ASAP2: variants seen among roughly 807,000 people sequenced by gnomAD.
ASAP2 encodes the protein ArfGAP with SH3 domain, ankyrin repeat and PH domain 2.
A neutral mutation model predicts 131.4 loss-of-function variants in ASAP2; 45 were observed. That is an observed-to-expected ratio of 0.34 (90% CI 0.27 to 0.44). The LOEUF is 0.44. ASAP2 is among the 20% of genes least tolerant of loss of function. The pLI, the probability that ASAP2 is intolerant of heterozygous loss-of-function variation, is 1.00. For missense variants in ASAP2, 1,011 were observed against 1,297.0 expected, an observed-to-expected ratio of 0.78 and a Z score of 3.39; for synonymous variants, 510 against 503.0, an observed-to-expected ratio of 1.01 and a Z score of -0.19.
At chr2:9,305,307 G>T (rs1668810188) in intron 3 of ASAP2, among the ~76,000 whole-genome samples, 1 of 146,834 alleles carries the variant, frequency 6.8e-6, no homozygotes, top group Non-Finnish European at 1.5e-5. Flanking sequence ...CTGTAGTAGT[G>T]GGGTATAGAT....
chr2:9,388,798 G>A (rs564887710), intron 22 of ASAP2, among the ~76,000 whole-genome samples: 1 of 152,288 alleles, frequency 6.6e-6, no homozygotes, highest in East Asian at 1.9e-4. Context: ...ACTCCCCCAG[G>A]GCAGCCTGAG....
At position 9,232,278 on chromosome 2, in the gene ASAP2, C is replaced by G. The variant is rs1663222491; in HGVS notation, c.126+25048C>G. 1.3e-5 allele frequency among the ~76,000 whole-genome samples: 2 copies of G among 152,298 alleles called. No individual in the cohort carries two copies. The highest frequency in any genetic ancestry group is 4.1e-4 in the South Asian group (2 of 4,826). On this transcript the variant is annotated intron_variant, in intron 1 of 27. Coordinates refer to ENST00000281419, the MANE Select transcript of ASAP2 (RefSeq NM_003887.3). The surrounding 1 kb of genome is among the most constrained non-coding windows in gnomAD (Gnocchi z 4.1). ...CTGCCCTGCGCCCGATCCTTTTACA[C>G]AGGTGGTCCCTCTGTTTGTAGAGTC...
chr2:9,249,668 C>T (rs1383271461), intron 1 of ASAP2, among the ~76,000 whole-genome samples: 5 of 152,136 alleles, frequency 3.3e-5, no homozygotes, highest in Admixed American at 2.0e-4. Flanking sequence ...AAGTTCACAG[C>T]CTGAGTGAGA....
intron 2 of ASAP2, among the ~76,000 whole-genome samples, chr2:9,286,447 A>AAAATATATATATATATAT (rs58605449): frequency 2.6e-4 from 38 of 148,484 alleles, no homozygotes; most frequent in Middle Eastern, 3.5e-3. Context: ...GAAAAAAAAA[A>AAAATATATATATATATAT]ATATATATAT....
At chr2:9,304,686 T>C (rs1290210794) in intron 3 of ASAP2, among the ~76,000 whole-genome samples, 7 of 122,060 alleles carry the variant, frequency 5.7e-5, no homozygotes, top group African/African-American at 9.7e-5. Context: ...GTGGAGGGGG[T>C]GTAATAGTGG....
At chr2:9,246,080 T>G (rs537149922) in intron 1 of ASAP2, among the ~76,000 whole-genome samples, 18 of 152,346 alleles carry the variant, frequency 1.2e-4, no homozygotes, top group African/African-American at 4.3e-4. Context: ...GCAGGAGCCC[T>G]GGTTTGGGAG....
intron 1 of ASAP2, among the ~76,000 whole-genome samples, chr2:9,221,323 C>CT (rs35784307): frequency 0.028 from 3,760 of 131,944 alleles, 64 homozygotes; most frequent in Middle Eastern, 0.057. Context: ...CTTTTCTTTT[C>CT]TTTTTTTTTT....
At chr2:9,314,624 C>T (rs1669521783) in intron 3 of ASAP2, among the ~76,000 whole-genome samples, 1 of 152,086 alleles carries the variant, frequency 6.6e-6, no homozygotes, top group Admixed American at 6.5e-5. Flanking sequence ...GAAGAGCCTG[C>T]CAAGTGCCTT....
At chr2:9,380,418 G>A (rs530892338) in intron 19 of ASAP2, among the ~76,000 whole-genome samples, 6 of 152,124 alleles carry the variant, frequency 3.9e-5, no homozygotes, top group Non-Finnish European at 5.9e-5. Context: ...GGCTGGTCTC[G>A]AACTCCTGAC....
At chr2:9,266,726 G>C (rs1374679883) in intron 1 of ASAP2, among the ~76,000 whole-genome samples, 1 of 152,196 alleles carries the variant, frequency 6.6e-6, no homozygotes, top group East Asian at 1.9e-4. Context: ...CGTCAAAGTT[G>C]CTACTTTAGG....
At chr2:9,305,552 T>TA (rs1558314005) in intron 3 of ASAP2, among the ~76,000 whole-genome samples, 11 of 131,368 alleles carry the variant, frequency 8.4e-5, no homozygotes, top group East Asian at 4.5e-4. Flanking sequence ...GGGGTACAGA[T>TA]ATTGGTGGAG....
At chr2:9,243,344 G>T (rs1362740601) in intron 1 of ASAP2, among the ~76,000 whole-genome samples, 1 of 152,140 alleles carries the variant, frequency 6.6e-6, no homozygotes. Flanking sequence ...TCCTGACCTC[G>T]TGATCCACCC....
Position 9,238,606 on chromosome 2 carries a change from T to C in ASAP2, c.126+31376T>C, listed in dbSNP as rs538855005. Among the ~76,000 whole-genome samples, 19 of 152,342 alleles carry C rather than the reference T, an allele frequency of 1.2e-4. No homozygotes were observed. The South Asian group carries it at 3.7e-3, about 30-fold the overall frequency. The stretch of plus-strand genomic sequence containing the variant: ...TAGCACTGGTTTAAGTACAGTGTTT[T>C]GTTTGCATGGGGAGGAGAGGCTGAG... On this transcript the variant is annotated intron_variant, in intron 1 of 27. Coordinates refer to ENST00000281419, the MANE Select transcript of ASAP2 (RefSeq NM_003887.3).
rs372688916 is a variant in ASAP2 at position 9,395,829 on chromosome 2, A to G, written c.2684+2182A>G. 2.0e-5 allele frequency among the ~76,000 whole-genome samples: 3 copies of G among 151,452 alleles called. No individual in the cohort carries two copies. In the South Asian group the frequency reaches 6.3e-4, roughly 32 times the overall value. On this transcript the variant is annotated intron_variant, in intron 24 of 27. Coordinates refer to ENST00000281419, the MANE Select transcript of ASAP2 (RefSeq NM_003887.3). ...TCACCGGGTTAGCCAGGATGGTCTC[A>G]ATCTCCTGACCTCGTGATCTGCCCT...
At chr2:9,328,705 C>G (rs947067936) in intron 7 of ASAP2, among the ~76,000 whole-genome samples, 2 of 152,184 alleles carry the variant, frequency 1.3e-5, no homozygotes, top group Admixed American at 6.5e-5. Flanking sequence ...CCTCGACCCC[C>G]AGTCACTGAT....
intron 27 of ASAP2, among the ~76,000 whole-genome samples, chr2:9,402,203 CA>C (rs1458090179): frequency 1.3e-5 from 2 of 152,212 alleles, no homozygotes; most frequent in Non-Finnish European, 2.9e-5. Flanking sequence ...CCAGAACTCC[CA>C]CTAGTGTTTA....
rs1447536183 is a variant in ASAP2, at chr2:9,400,186, C to T, written c.2734+114C>T. 6.2e-6 allele frequency: 7 copies of T among 1,136,524 alleles called. No individual in the cohort carries two copies. In the African/African-American group the frequency reaches 1.2e-4, roughly 19 times the overall value. The allele number at this position is 1,136,524 out of a possible 1,614,324, so 70.4% of individuals were successfully genotyped here. On this transcript the variant is annotated intron_variant, in intron 25 of 27. Transcript: ENST00000281419. Reference sequence around the variant, plus strand: ...GGGAGGGCCCAGCTGTCTGCCATTCCACAGCCCTCCTGCCCCCTCCCCTCC... The same window carrying T: ...GGGAGGGCCCAGCTGTCTGCCATTCTACAGCCCTCCTGCCCCCTCCCCTCC...
chr2:9,323,409 C>T (rs1043537792), intron 6 of ASAP2, among the ~76,000 whole-genome samples, 159 bp downstream of exon 6: 2 of 152,218 alleles, frequency 1.3e-5, no homozygotes, highest in Non-Finnish European at 2.9e-5. Context: ...ACTAGGGAAG[C>T]GTTAGCCTCC....
chr2:9,276,530 C>CT (rs1268418627), intron 1 of ASAP2, among the ~76,000 whole-genome samples: 3 of 151,784 alleles, frequency 2.0e-5, no homozygotes, highest in African/African-American at 4.8e-5. Flanking sequence ...CCTGTGTCAT[C>CT]TTTTTTTTCT....
Sources: allele counts gnomAD v4.1 joint callset (sites outside exome capture counted in the v4.1 genomes callset), GRCh38; gene constraint gnomAD v4.1.1; non-coding constraint Gnocchi (gnomAD v3.1); transcripts MANE v1.5; gene names NCBI Gene and HGNC (gene_info 2026-07-23, HGNC 2026-07-21).